Variants in PTPRD observed in about 807,000 individuals in gnomAD.
PTPRD encodes the protein receptor-type tyrosine-protein phosphatase delta.
PTPRD carries 34 observed loss-of-function variants against 214.5 expected under a neutral mutation model. The observed-to-expected ratio is 0.16, with a 90% CI of 0.12 to 0.21. The LOEUF is 0.21. PTPRD is among the 10% of genes least tolerant of loss of function. PTPRD has a pLI of 1.00. For synonymous variants in PTPRD, 1,128 were observed against 845.7 expected, an observed-to-expected ratio of 1.33 and a Z score of -5.79; for missense variants, 2,545 against 2,398.7, an observed-to-expected ratio of 1.06 and a Z score of -1.27.
At chr9:9,674,508 C>G (rs2096892437) in intron 7 of PTPRD, among the ~76,000 whole-genome samples, 1 of 151,604 alleles carries the variant, frequency 6.6e-6, no homozygotes, top group Admixed American at 6.6e-5. Context: ...AATAAACCAG[C>G]TGAAAGACAA....
rs138386194 is a variant in PTPRD, at chr9:9,842,298, A to ATTTTTT, written c.-367-75453_-367-75448dup. Among the ~76,000 whole-genome samples the ATTTTTT allele has an allele frequency of 6.1e-3, 556 of 91,376 alleles. 3 individuals are homozygous for ATTTTTT. Among genetic ancestry groups the ATTTTTT allele is most frequent in the Middle Eastern group, 0.013 (1 of 80 alleles). 59.9% of individuals were successfully genotyped at this position (91,376 alleles called of 152,430 possible). The stretch of plus-strand genomic sequence containing the variant: ...AACTCAAAGTCTACTGAAGGAGAGC[A>ATTTTTT]TTTTTTTTTTTTTTTTTTTTTTTTG... On this transcript the variant is annotated intron_variant, in intron 5 of 45. Transcript: ENST00000381196.
chr9:10,300,049 T>A (rs559397480), intron 3 of PTPRD, among the ~76,000 whole-genome samples: 2 of 152,294 alleles, frequency 1.3e-5, no homozygotes, highest in East Asian at 1.9e-4. Context: ...ATCTCTAAAA[T>A]AATTCCCATT....
chr9:10,382,051 T>C (rs1367452587), intron 2 of PTPRD, among the ~76,000 whole-genome samples: 1 of 151,934 alleles, frequency 6.6e-6, no homozygotes, highest in African/African-American at 2.4e-5. Flanking sequence ...ATTCTTCAAA[T>C]CCAGTAAGTC....
intron 9 of PTPRD, among the ~76,000 whole-genome samples, chr9:9,250,067 T>C (rs1189388968): frequency 6.6e-6 from 1 of 152,030 alleles, no homozygotes; most frequent in East Asian, 1.9e-4. Context: ...ATGACTGACA[T>C]TTTGCCTTGC....
chr9:8,856,343 T>C (rs144964158), intron 11 of PTPRD, among the ~76,000 whole-genome samples: 35 of 152,346 alleles, frequency 2.3e-4, no homozygotes, highest in African/African-American at 7.5e-4. Context: ...GAAGTATCTA[T>C]GGTTGAACTA....
At chr9:8,369,118 T>C (rs988626207) in intron 39 of PTPRD, among the ~76,000 whole-genome samples, 4 of 152,152 alleles carry the variant, frequency 2.6e-5, no homozygotes, top group South Asian at 4.1e-4. Context: ...TTGGCAATAC[T>C]TGTGGTCTTT....
At chr9:9,704,703 C>A (rs760003393) in intron 7 of PTPRD, among the ~76,000 whole-genome samples, 1 of 152,172 alleles carries the variant, frequency 6.6e-6, no homozygotes, top group Non-Finnish European at 1.5e-5. Context: ...GGAAAAAAAT[C>A]TGACTACCTG....
chr9:9,647,365 A>G (rs973048656), intron 7 of PTPRD, among the ~76,000 whole-genome samples: 5 of 139,510 alleles, frequency 3.6e-5, no homozygotes, highest in African/African-American at 1.2e-4. Context: ...GCTTTCTCCC[A>G]GGATAATTTG....
intron 3 of PTPRD, among the ~76,000 whole-genome samples, chr9:10,182,366 G>C (rs2099302362): frequency 6.6e-6 from 1 of 151,850 alleles, no homozygotes; most frequent in Non-Finnish European, 1.5e-5. Context: ...TAAATGTATG[G>C]ATAAAAGCAT....
At chr9:9,284,283 G>T (rs1948688599) in intron 9 of PTPRD, among the ~76,000 whole-genome samples, 1 of 151,608 alleles carries the variant, frequency 6.6e-6, no homozygotes, top group Middle Eastern at 3.2e-3. Flanking sequence ...AATAAAGTTT[G>T]TTGGTTTTTA....
Position 9,036,209 on chromosome 9 carries a change from TA to T in PTPRD, c.-142-17475del, listed in dbSNP as rs34390768. On this transcript the variant is annotated intron_variant, in intron 10 of 45. Transcript: ENST00000381196. The stretch of plus-strand genomic sequence containing the variant: ...CCTCATTTGCAAATTTTCAGAAAAT[TA>T]AAAAAAAAAAAAAACTTGGCAGGTT... Among the ~76,000 whole-genome samples the T allele has an allele frequency of 9.6e-3, 1,360 of 141,100 alleles. 21 individuals are homozygous for T. Among genetic ancestry groups the T allele is most frequent in the African/African-American group, 0.03 (1,155 of 38,776 alleles). The allele number at this position is 141,100 out of a possible 152,430, so 92.6% of individuals were successfully genotyped here.
chr9:8,336,221 C>CAAAA (rs1314455775), intron 43 of PTPRD, among the ~76,000 whole-genome samples: 1 of 148,928 alleles, frequency 6.7e-6, no homozygotes, highest in Non-Finnish European at 1.5e-5. Context: ...CTACAGTAAC[C>CAAAA]AAAACAGCAT....
chr9:9,161,634 C>T (rs966842918), intron 10 of PTPRD, among the ~76,000 whole-genome samples: 11 of 152,012 alleles, frequency 7.2e-5, no homozygotes, highest in Non-Finnish European at 1.6e-4. Context: ...TTCATGGAGC[C>T]TCCTGAATGA....
chr9:8,673,532 C>A (rs907301984), intron 12 of PTPRD, among the ~76,000 whole-genome samples: 2 of 152,166 alleles, frequency 1.3e-5, no homozygotes, highest in East Asian at 3.9e-4. Flanking sequence ...CTTAAGCCTT[C>A]CAGATAACAG....
intron 14 of PTPRD, among the ~76,000 whole-genome samples, chr9:8,601,784 A>G (rs2094883700): frequency 1.3e-5 from 2 of 152,228 alleles, no homozygotes. Flanking sequence ...AATGATCAAA[A>G]GCACATATTA....
intron 30 of PTPRD, among the ~76,000 whole-genome samples, chr9:8,483,614 T>G (rs967791316): frequency 2.0e-5 from 3 of 152,074 alleles, no homozygotes; most frequent in Non-Finnish European, 4.4e-5. Context: ...TAGCCAGACA[T>G]GGCGACAGGT....
At chr9:8,717,265 C>G (rs1421552917) in intron 12 of PTPRD, among the ~76,000 whole-genome samples, 1 of 152,172 alleles carries the variant, frequency 6.6e-6, no homozygotes, top group Non-Finnish European at 1.5e-5. Flanking sequence ...GGGGGAGAAG[C>G]AGGGATGGAA....
At chr9:10,255,746 G>T (rs1035472329) in intron 3 of PTPRD, among the ~76,000 whole-genome samples, 1 of 152,102 alleles carries the variant, frequency 6.6e-6, no homozygotes, top group Non-Finnish European at 1.5e-5. Flanking sequence ...ACATTGTGCA[G>T]CTGTACAAAA....
intron 14 of PTPRD, among the ~76,000 whole-genome samples, chr9:8,628,208 G>A (rs1024232533): frequency 6.6e-6 from 1 of 151,756 alleles, no homozygotes; most frequent in African/African-American, 2.4e-5. Context: ...GGACAACTGT[G>A]TTCATCTTCA....
Sources: gnomAD v4.1 joint callset for allele counts (sites outside exome capture counted in the v4.1 genomes callset) on GRCh38, gnomAD v4.1.1 for gene constraint, MANE v1.5 for transcripts, NCBI Gene and HGNC (gene_info 2026-07-23, HGNC 2026-07-21) for gene names.